SND1: variants seen among roughly 807,000 people sequenced by gnomAD.
SND1 encodes the protein staphylococcal nuclease and tudor domain containing 1.
A neutral mutation model predicts 121.7 loss-of-function variants in SND1; 38 were observed. The observed-to-expected ratio is 0.31, with a 90% CI of 0.24 to 0.41. The LOEUF (loss-of-function observed/expected upper bound fraction) is 0.41. Among genes scored for constraint, SND1 ranks in the 10% least tolerant of loss-of-function variants. The probability of loss-of-function intolerance (pLI) is 1.00; values close to 1 mark genes in which losing one functional copy is unlikely to be tolerated. For missense variants in SND1, 868 were observed against 1,184.6 expected (o/e 0.73, Z 3.92); for synonymous variants, 401 against 447.4 (o/e 0.90, Z 1.31).
chr7:127,810,895 T>C (rs1421404889), intron 11 of SND1, among the ~76,000 whole-genome samples: 1 of 152,246 alleles, frequency 6.6e-6, no homozygotes, highest in East Asian at 1.9e-4. Flanking sequence ...GGAACCATTG[T>C]ATTTAAACTT....
rs533808226 is a variant in SND1 at position 127,719,002 on chromosome 7, A to G, written c.1039-2285A>G. 5.3e-5 allele frequency among the ~76,000 whole-genome samples: 8 copies of G among 152,176 alleles called. No individual in the cohort carries two copies. In the South Asian group the frequency reaches 1.7e-3, roughly 32 times the overall value. On this transcript the variant is annotated intron_variant, in intron 9 of 23. Coordinates refer to ENST00000354725, the MANE Select transcript of SND1 (RefSeq NM_014390.4). Reference sequence around the variant, plus strand: ...GACAGTTACCCTCTATCCTTTGGGTATCTGTTTGGAGGAGGAGTGGTATTG... The same window carrying G: ...GACAGTTACCCTCTATCCTTTGGGTGTCTGTTTGGAGGAGGAGTGGTATTG...
intron 16 of SND1, among the ~76,000 whole-genome samples, chr7:127,993,318 G>A (rs1300328440): frequency 2.0e-5 from 3 of 152,140 alleles, no homozygotes; most frequent in Admixed American, 1.3e-4. Context: ...TATTTCATAA[G>A]TTGTCTTGGG....
At chr7:127,753,157 T>C (rs1797132585) in intron 10 of SND1, among the ~76,000 whole-genome samples, 1 of 152,222 alleles carries the variant, frequency 6.6e-6, no homozygotes, top group African/African-American at 2.4e-5. Context: ...TGCCTGCTCT[T>C]GGATAATGAA....
At position 128,029,075 on chromosome 7, in the gene SND1, G is replaced by T. The variant is rs1287117354; in HGVS notation, c.1779+38019G>T. 1.9e-6 allele frequency: 3 copies of T among 1,614,076 alleles called. No homozygotes were observed. The highest frequency in any genetic ancestry group is 3.3e-5 in the Admixed American group (2 of 60,016). On this transcript the variant is annotated intron_variant, in intron 16 of 23. Transcript: ENST00000354725. This position sits in a 1 kb window ranked among gnomAD's most constrained non-coding sequence, Gnocchi z 4.2. ...CAATGATGATCTTGGTGGTCTTCAT[G>T]ACTTCATCCAGGCTGGTCTGCATCT...
chr7:127,895,934 T>C (rs932858173), intron 13 of SND1, among the ~76,000 whole-genome samples: 3 of 152,094 alleles, frequency 2.0e-5, no homozygotes, highest in Admixed American at 6.6e-5. Context: ...TGTGAGACTT[T>C]TCTTTATGAT....
chr7:128,066,518 G>C (rs1177667778), intron 16 of SND1, among the ~76,000 whole-genome samples: 12 of 152,222 alleles, frequency 7.9e-5, no homozygotes, highest in Non-Finnish European at 1.8e-4. Context: ...CCGTGCTGCT[G>C]CCTGCCTCTA....
chr7:127,701,085 A>T (rs1352637105), intron 4 of SND1, 78 bp from the exon 5 acceptor site: 2 of 1,507,836 alleles, frequency 1.3e-6, no homozygotes, highest in African/African-American at 2.8e-5. Flanking sequence ...GAAGATGCTG[A>T]AGAAAACCTA....
At chr7:127,819,757 T>C (rs1032947969) in intron 11 of SND1, among the ~76,000 whole-genome samples, 1 of 152,222 alleles carries the variant, frequency 6.6e-6, no homozygotes, top group African/African-American at 2.4e-5. Flanking sequence ...GGTTTTGCAT[T>C]GATTGGACTA....
At chr7:127,985,150 T>C (rs1753018712) in intron 15 of SND1, among the ~76,000 whole-genome samples, 1 of 152,184 alleles carries the variant, frequency 6.6e-6, no homozygotes, top group South Asian at 2.1e-4. Context: ...TCCCAGCTTG[T>C]GGTGTGCGGA....
chr7:127,753,258 G>A (rs975848272), intron 10 of SND1, among the ~76,000 whole-genome samples: 3 of 152,140 alleles, frequency 2.0e-5, no homozygotes, highest in African/African-American at 7.2e-5. Flanking sequence ...GGAGTGGCTT[G>A]TGCTTTGGGG....
intron 12 of SND1, among the ~76,000 whole-genome samples, chr7:127,875,678 A>G (rs769347507): frequency 6.6e-5 from 10 of 152,138 alleles, no homozygotes; most frequent in Non-Finnish European, 1.2e-4. Flanking sequence ...GAAGCAATAT[A>G]TACTGCCTTT....
intron 11 of SND1, among the ~76,000 whole-genome samples, chr7:127,821,378 G>A (rs1010832844): frequency 7.2e-5 from 11 of 152,162 alleles, no homozygotes; most frequent in Admixed American, 1.3e-4. Context: ...AGAGTATGTT[G>A]TTTTCCTTGG....
chr7:127,742,852 G>A (rs1336678784), intron 10 of SND1, among the ~76,000 whole-genome samples: 1 of 152,092 alleles, frequency 6.6e-6, no homozygotes, highest in East Asian at 1.9e-4. Flanking sequence ...GATGCAAGAG[G>A]GACACACCCC....
chr7:127,929,460 T>C, intron 15 of SND1, 131 bp downstream of exon 15: 1 of 894,978 alleles, frequency 1.1e-6, no homozygotes, highest in Non-Finnish European at 1.8e-6. Context: ...GGTTGGGATA[T>C]GCAAACACAG....
chr7:127,803,943 A>T (rs909913479), intron 10 of SND1, among the ~76,000 whole-genome samples: 4 of 152,220 alleles, frequency 2.6e-5, no homozygotes, highest in Non-Finnish European at 5.9e-5. Context: ...ATGAACAGTG[A>T]TTACAGCACA....
intron 1 of SND1, among the ~76,000 whole-genome samples, chr7:127,677,328 A>G (rs1795633578): frequency 1.3e-5 from 2 of 152,236 alleles, no homozygotes; most frequent in Admixed American, 1.3e-4. Context: ...ATGGAGGCTA[A>G]TGGAGCCAAT....
At chr7:127,834,132 T>C (rs909636925) in intron 11 of SND1, among the ~76,000 whole-genome samples, 2 of 152,226 alleles carry the variant, frequency 1.3e-5, no homozygotes, top group Admixed American at 1.3e-4. Context: ...CCTTTGGCTG[T>C]TGTAAATAAA....
intron 2 of SND1, among the ~76,000 whole-genome samples, chr7:127,693,552 C>T (rs1043107881): frequency 6.6e-6 from 1 of 152,138 alleles, no homozygotes; most frequent in African/African-American, 2.4e-5. Flanking sequence ...TATTTTTCTT[C>T]TAGAAAAGCT....
intron 15 of SND1, among the ~76,000 whole-genome samples, chr7:127,980,273 C>G (rs1242166921): frequency 1.7e-5 from 1 of 58,582 alleles, no homozygotes; most frequent in East Asian, 2.4e-4. Context: ...CCACTACGCC[C>G]GGCTAATTTT....
Sources: allele counts gnomAD v4.1 joint callset (sites outside exome capture counted in the v4.1 genomes callset), GRCh38; gene constraint gnomAD v4.1.1; non-coding constraint Gnocchi (gnomAD v3.1); transcripts MANE v1.5; gene names NCBI Gene and HGNC (gene_info 2026-07-23, HGNC 2026-07-21).